GRIK4: variants seen among roughly 807,000 people sequenced by gnomAD.
The protein encoded by GRIK4 is glutamate receptor ionotropic, kainate 4.
In GRIK4, 40 loss-of-function variants were observed where a neutral mutation model predicts 104.9. The ratio of observed to expected loss-of-function variants is 0.38; its 90% CI spans 0.30 to 0.50. The LOEUF is 0.50. Among genes scored for constraint, GRIK4 ranks in the 20% least tolerant of loss-of-function variants. The pLI, the probability that GRIK4 is intolerant of heterozygous loss-of-function variation, is 0.93. For synonymous variants in GRIK4, 485 were observed against 524.9 expected, an observed-to-expected ratio of 0.92 and a Z score of 1.04; for missense variants, 1,047 against 1,308.1, an observed-to-expected ratio of 0.80 and a Z score of 3.08.
intron 3 of GRIK4, among the ~76,000 whole-genome samples, chr11:120,693,495 G>GTCCA (rs1029472207): frequency 3.3e-5 from 5 of 152,286 alleles, no homozygotes; most frequent in South Asian, 4.2e-4. Flanking sequence ...GGAGTAGTCT[G>GTCCA]TCCATCCATC....
At chr11:120,960,703 T>C (rs999135973) in intron 16 of GRIK4, among the ~76,000 whole-genome samples, 1 of 152,224 alleles carries the variant, frequency 6.6e-6, no homozygotes, top group Admixed American at 6.5e-5. Context: ...ACAAATCAAC[T>C]GTCTTCTTCC....
chr11:120,541,778 T>G (rs1948039327), intron 1 of GRIK4, among the ~76,000 whole-genome samples: 1 of 152,144 alleles, frequency 6.6e-6, no homozygotes, highest in Non-Finnish European at 1.5e-5. Flanking sequence ...CATGAGCCAC[T>G]GCGCCTGGCC....
intron 3 of GRIK4, among the ~76,000 whole-genome samples, chr11:120,689,998 T>C (rs1830692245): frequency 1.3e-5 from 2 of 152,210 alleles, no homozygotes; most frequent in South Asian, 2.1e-4. Flanking sequence ...GTGTCTCTTA[T>C]TGTAATTAAA....
intron 3 of GRIK4, among the ~76,000 whole-genome samples, chr11:120,726,159 C>T (rs1951024229): frequency 6.6e-6 from 1 of 152,084 alleles, no homozygotes; most frequent in Non-Finnish European, 1.5e-5. Context: ...AAAGGATGAC[C>T]AGAGGTCAGG....
At position 120,712,892 on chromosome 11, in the gene GRIK4, T is replaced by G. The variant is rs17124226; in HGVS notation, c.82+52492T>G. ...CCCCCTCAGTCCCTTCTTATGTGAT[T>G]TGATTTTTACCCGTGTCACTAGCCT... On this transcript the variant is annotated intron_variant, in intron 3 of 20. Coordinates refer to ENST00000527524, the MANE Select transcript of GRIK4 (RefSeq NM_014619.5). 6.9e-3 allele frequency among the ~76,000 whole-genome samples: 1,056 copies of G among 152,306 alleles called. 14 individuals carry two copies. The highest frequency in any genetic ancestry group is 0.024 in the African/African-American group (988 of 41,560).
chr11:120,812,744 G>C (rs1952855195), intron 4 of GRIK4, among the ~76,000 whole-genome samples: 1 of 152,202 alleles, frequency 6.6e-6, no homozygotes, highest in African/African-American at 2.4e-5. Context: ...CCAGAGGGAA[G>C]GCCCTGTGGC....
chr11:120,982,083 C>T (rs753426322), intron 19 of GRIK4, 23 bp from the exon 20 acceptor site: 2 of 1,344,278 alleles, frequency 1.5e-6, no homozygotes, highest in Admixed American at 3.4e-5. Context: ...CAATATTTTT[C>T]ATTTGTTATC....
At chr11:120,550,706 C>T (rs375017703) in intron 1 of GRIK4, among the ~76,000 whole-genome samples, 3 of 151,884 alleles carry the variant, frequency 2.0e-5, no homozygotes, top group African/African-American at 4.8e-5. Context: ...CCTGAGGCCC[C>T]GGGAGTCACA....
chr11:120,829,788 A>G (rs894634976), intron 6 of GRIK4, among the ~76,000 whole-genome samples: 1 of 152,206 alleles, frequency 6.6e-6, no homozygotes, highest in African/African-American at 2.4e-5. Flanking sequence ...CACTTAGCCA[A>G]GGAGGGCTGA....
At chr11:120,685,571 C>T (rs1950262461) in intron 3 of GRIK4, among the ~76,000 whole-genome samples, 1 of 152,172 alleles carries the variant, frequency 6.6e-6, no homozygotes, top group Non-Finnish European at 1.5e-5. Flanking sequence ...GTTGCTGTGC[C>T]CCATGTCCCT....
chr11:120,707,469 G>A (rs1950650142), intron 3 of GRIK4, among the ~76,000 whole-genome samples: 1 of 152,192 alleles, frequency 6.6e-6, no homozygotes. Flanking sequence ...ATGTGGCTCT[G>A]TAACCTCAGA....
chr11:120,966,299 G>C (rs772958382), intron 18 of GRIK4, among the ~76,000 whole-genome samples: 2 of 152,266 alleles, frequency 1.3e-5, no homozygotes, highest in Admixed American at 6.5e-5. Flanking sequence ...TTCTCTCATT[G>C]ATTGGTGACT....
At chr11:120,966,553 G>A (rs754246425) in intron 18 of GRIK4, among the ~76,000 whole-genome samples, 4 of 152,146 alleles carry the variant, frequency 2.6e-5, no homozygotes, top group Non-Finnish European at 5.9e-5. Context: ...TGTATTTTTA[G>A]TAGAGATGGG....
intron 15 of GRIK4, among the ~76,000 whole-genome samples, chr11:120,954,575 A>G (rs1175093165): frequency 6.6e-6 from 1 of 152,046 alleles, no homozygotes; most frequent in Non-Finnish European, 1.5e-5. Context: ...AAGGGCCCTG[A>G]AAAGTCTTGG....
chr11:120,571,047 G>A lies in GRIK4; in HGVS notation c.-159+59160G>A, dbSNP rs113138636. On this transcript the variant is annotated intron_variant, in intron 1 of 20. Coordinates refer to ENST00000527524, the MANE Select transcript of GRIK4 (RefSeq NM_014619.5). ...CTCTCCAGGTGATCAGTCAGCCCCTGTGTCTTGGAGCCTTCACTCCTGGAC... is the reference window on the plus strand; with the variant it reads ...CTCTCCAGGTGATCAGTCAGCCCCTATGTCTTGGAGCCTTCACTCCTGGAC... 8.5e-3 allele frequency among the ~76,000 whole-genome samples: 1,288 copies of A among 152,238 alleles called. 14 individuals are homozygous for A. The highest frequency in any genetic ancestry group is 0.027 in the African/African-American group (1,120 of 41,524).
At chr11:120,665,662 AAATGCC>A (rs1194107966) in intron 3 of GRIK4, among the ~76,000 whole-genome samples, 1 of 152,244 alleles carries the variant, frequency 6.6e-6, no homozygotes, top group African/African-American at 2.4e-5. Context: ...CAAGGTTTAA[AAATGCC>A]AACCAATGTT....
chr11:120,833,572 A>G (rs2135567892), intron 7 of GRIK4, among the ~76,000 whole-genome samples: 1 of 152,328 alleles, frequency 6.6e-6, no homozygotes, highest in Non-Finnish European at 1.5e-5. Flanking sequence ...AACAGCCCCC[A>G]GGTAGAAGCT....
intron 7 of GRIK4, among the ~76,000 whole-genome samples, chr11:120,833,638 A>AT (rs1160667117): frequency 6.6e-6 from 1 of 151,982 alleles, no homozygotes; most frequent in Non-Finnish European, 1.5e-5. Context: ...TTGCACTATT[A>AT]TTTTTTTTAT....
intron 3 of GRIK4, among the ~76,000 whole-genome samples, chr11:120,768,742 T>C (rs752322919): frequency 2.6e-5 from 4 of 152,226 alleles, no homozygotes; most frequent in African/African-American, 4.8e-5. Flanking sequence ...TAAGAGGTTT[T>C]ATCAAGAAGG....
Sources: allele counts gnomAD v4.1 joint callset (sites outside exome capture counted in the v4.1 genomes callset), GRCh38; gene constraint gnomAD v4.1.1; transcripts MANE v1.5; gene names NCBI Gene and HGNC (gene_info 2026-07-23, HGNC 2026-07-21).